RGS6: variants seen among roughly 807,000 people sequenced by gnomAD.
RGS6 encodes regulator of G-protein signaling 6.
A neutral mutation model predicts 78.5 loss-of-function variants in RGS6; 30 were observed. The observed-to-expected ratio is 0.38, with a 90% CI of 0.29 to 0.52. RGS6 has a LOEUF of 0.52. Ranked by LOEUF, RGS6 falls within the 20% of genes least tolerant of loss-of-function variation. The pLI is 0.85. For synonymous variants in RGS6, 206 were observed against 206.0 expected, an observed-to-expected ratio of 1.00 and a Z score of 0.00; for missense variants, 495 against 609.7, an observed-to-expected ratio of 0.81 and a Z score of 1.98.
intron 2 of RGS6, among the ~76,000 whole-genome samples, chr14:71,989,387 C>CT (rs2094857398): frequency 6.6e-6 from 1 of 152,232 alleles, no homozygotes; most frequent in Non-Finnish European, 1.5e-5. Context: ...GATGCCAGGG[C>CT]TATCACAACC....
intron 2 of RGS6, among the ~76,000 whole-genome samples, chr14:72,229,230 A>T (rs1035215403): frequency 6.6e-6 from 1 of 152,076 alleles, no homozygotes; most frequent in Non-Finnish European, 1.5e-5. Flanking sequence ...TCTCATGCTG[A>T]TTTCTAACTA....
intron 3 of RGS6, among the ~76,000 whole-genome samples, chr14:72,453,615 CAAAAAAAA>C (rs60280790): frequency 0.12 from 6,335 of 52,158 alleles, 329 homozygotes; most frequent in South Asian, 0.35. Context: ...GACTCCGTCT[CAAAAAAAA>C]AAAAAAAAAA....
intron 3 of RGS6, among the ~76,000 whole-genome samples, chr14:72,422,863 A>C (rs1864021582): frequency 6.6e-6 from 1 of 152,206 alleles, no homozygotes; most frequent in African/African-American, 2.4e-5. Flanking sequence ...CTGCAAGTCA[A>C]GGAGCACCGA....
chr14:71,933,351 A>G (rs1177976658), intron 1 of RGS6: 2 of 151,786 alleles, frequency 1.3e-5, no homozygotes, highest in Admixed American at 1.3e-4. Context: ...TTTTCCCTGA[A>G]CAAGCTCGCC....
intron 2 of RGS6, among the ~76,000 whole-genome samples, chr14:72,321,398 TA>T (rs908237516): frequency 3.3e-5 from 5 of 150,742 alleles, no homozygotes; most frequent in Admixed American, 1.3e-4. Flanking sequence ...ACTCCCATAT[TA>T]AAAAAAAAGA....
At chr14:71,931,203 A>G (rs139894366), upstream of RGS6, among the ~76,000 whole-genome samples, 20 of 151,830 alleles carry the variant, frequency 1.3e-4, no homozygotes, top group South Asian at 8.3e-4. Flanking sequence ...TTACAATTCT[A>G]TTTTCCTCAC....
chr14:72,202,377 A>C (rs1567456298), intron 2 of RGS6, among the ~76,000 whole-genome samples: 1 of 152,090 alleles, frequency 6.6e-6, no homozygotes, highest in Non-Finnish European at 1.5e-5. Context: ...ATTTCAGAGA[A>C]GTTTCTCCTG....
chr14:72,581,348 T>A, the RGS6 span, among the ~76,000 whole-genome samples: 15 of 152,242 alleles, frequency 9.9e-5, no homozygotes, highest in African/African-American at 3.4e-4. Context: ...ATTTGCAAAT[T>A]CTATTTTTAT....
intron 16 of RGS6, among the ~76,000 whole-genome samples, chr14:72,537,344 C>G (rs900212090): frequency 6.6e-6 from 1 of 152,214 alleles, no homozygotes. Flanking sequence ...AGGATCCTGT[C>G]TGCGTATCTG....
At chr14:71,908,877 T>G in the RGS6 span, among the ~76,000 whole-genome samples, 1 of 152,182 alleles carries the variant, frequency 6.6e-6, no homozygotes, top group Non-Finnish European at 1.5e-5. Context: ...ATAAGGTTAA[T>G]ATTTATGGTC....
At chr14:72,021,264 T>C (rs1228481870) in intron 2 of RGS6, among the ~76,000 whole-genome samples, 1 of 152,110 alleles carries the variant, frequency 6.6e-6, no homozygotes. Context: ...CTGAGCACTT[T>C]GCTACTTTAT....
chr14:72,389,913 T>C (rs746086601), intron 3 of RGS6, among the ~76,000 whole-genome samples: 6 of 152,148 alleles, frequency 3.9e-5, no homozygotes, highest in Non-Finnish European at 5.9e-5. Flanking sequence ...TAAATTCTTC[T>C]GATTCAATTG....
intron 2 of RGS6, among the ~76,000 whole-genome samples, chr14:72,104,554 G>T (rs2095594951): frequency 6.6e-6 from 1 of 152,192 alleles, no homozygotes; most frequent in South Asian, 2.1e-4. Context: ...CATGACAGAT[G>T]ATATTATTTT....
intron 3 of RGS6, among the ~76,000 whole-genome samples, chr14:72,439,282 A>T (rs2095082229): frequency 1.3e-5 from 2 of 152,270 alleles, no homozygotes; most frequent in South Asian, 4.1e-4. Context: ...GATATGGGGC[A>T]CAGTAGGAGC....
At chr14:72,507,967 T>C (rs2096829759) in intron 13 of RGS6, among the ~76,000 whole-genome samples, 1 of 152,164 alleles carries the variant, frequency 6.6e-6, no homozygotes, top group Admixed American at 6.5e-5. Context: ...CCACAAACAG[T>C]ATTTTTGGTT....
intron 2 of RGS6, among the ~76,000 whole-genome samples, chr14:72,270,159 C>A (rs1161713903): frequency 1.3e-5 from 2 of 152,128 alleles, no homozygotes; most frequent in Non-Finnish European, 2.9e-5. Context: ...GGATCTAGAT[C>A]AAATTCCCCT....
At chr14:72,399,681 T>C (rs2092092344) in intron 3 of RGS6, among the ~76,000 whole-genome samples, 1 of 152,190 alleles carries the variant, frequency 6.6e-6, no homozygotes, top group African/African-American at 2.4e-5. Flanking sequence ...GTTGTTCCTT[T>C]CCATGTTTAG....
chr14:72,574,575 CCTA>C, the RGS6 span, among the ~76,000 whole-genome samples: 8 of 152,310 alleles, frequency 5.3e-5, 1 homozygote, highest in African/African-American at 1.7e-4. Context: ...TGTTATGCCA[CCTA>C]CTAAGCTCAG....
At chr14:72,242,700 G>A (rs1159223829) in intron 2 of RGS6, among the ~76,000 whole-genome samples, 2 of 152,006 alleles carry the variant, frequency 1.3e-5, no homozygotes, top group African/African-American at 4.8e-5. Flanking sequence ...TATTTGTTTG[G>A]AACTAACAAC....
Sources: allele counts gnomAD v4.1 joint callset (sites outside exome capture counted in the v4.1 genomes callset), GRCh38; gene constraint gnomAD v4.1.1; transcripts MANE v1.5; gene names NCBI Gene and HGNC (gene_info 2026-07-23, HGNC 2026-07-21).